Variants in GAN observed in about 807,000 individuals in gnomAD.
GAN encodes gigaxonin.
In GAN, 48 loss-of-function variants were observed where a neutral mutation model predicts 71.3. That is an observed-to-expected ratio of 0.67 (90% CI 0.53 to 0.86). The LOEUF is 0.86. GAN is among the 40% of genes least tolerant of loss of function. GAN has a pLI of 0.00. For synonymous variants in GAN, 386 were observed against 276.8 expected, an observed-to-expected ratio of 1.39 and a Z score of -3.92; for missense variants, 928 against 770.1, an observed-to-expected ratio of 1.21 and a Z score of -2.43.
At chr16:81,353,257 A>G (rs536048189) in intron 2 of GAN, among the ~76,000 whole-genome samples, 1 of 144,276 alleles carries the variant, frequency 6.9e-6, no homozygotes, top group Non-Finnish European at 1.5e-5. Flanking sequence ...GCGCCACTGC[A>G]CTCCAGCGTG....
chr16:81,342,482 C>G (rs1215999272), intron 1 of GAN, among the ~76,000 whole-genome samples: 1 of 152,238 alleles, frequency 6.6e-6, no homozygotes, highest in Non-Finnish European at 1.5e-5. Context: ...GACTCTCACT[C>G]AAAACCGCAC....
rs1208189480 is a variant in GAN, at chr16:81,385,049, C to T, written c.*7453C>T. On this transcript the variant is annotated 3_prime_UTR_variant, in exon 11 of 11. Transcript: ENST00000648994. Reference sequence around the variant, plus strand: ...GGCATATTTGGTATAACTTAAGCACCAGGTAAAATCTGGTGCTTAAGTTGT... The same window carrying T: ...GGCATATTTGGTATAACTTAAGCACTAGGTAAAATCTGGTGCTTAAGTTGT... 2.6e-5 allele frequency: 4 copies of T among 154,200 alleles called. No homozygotes were observed. Among genetic ancestry groups the T allele is most frequent in the African/African-American group, 4.8e-5 (2 of 41,482 alleles). The allele number at this position is 154,200 out of a possible 1,614,324, so 9.6% of individuals were successfully genotyped here.
At chr16:81,337,040 C>A (rs935844517) in intron 1 of GAN, among the ~76,000 whole-genome samples, 1 of 152,132 alleles carries the variant, frequency 6.6e-6, no homozygotes. Flanking sequence ...TCCACTATTA[C>A]AGTATCACCC....
intron 1 of GAN, among the ~76,000 whole-genome samples, chr16:81,339,093 T>C (rs1909858898): frequency 6.6e-6 from 1 of 152,188 alleles, no homozygotes; most frequent in Admixed American, 6.5e-5. Context: ...TAATTGGAAA[T>C]ACAAAAAACA....
chr16:81,339,223 G>A (rs1909863238), intron 1 of GAN, among the ~76,000 whole-genome samples: 1 of 152,168 alleles, frequency 6.6e-6, no homozygotes, highest in South Asian at 2.1e-4. Flanking sequence ...AGGCTGCATT[G>A]CCAACCTTCT....
intron 2 of GAN, among the ~76,000 whole-genome samples, chr16:81,352,083 A>G (rs1199294432): frequency 6.6e-6 from 1 of 152,194 alleles, no homozygotes; most frequent in Non-Finnish European, 1.5e-5. Flanking sequence ...TTGTCTCCAT[A>G]GCATGGAAAT....
chr16:81,380,491 A>C lies in GAN; in HGVS notation c.*2895A>C, dbSNP rs1904299501. The stretch of plus-strand genomic sequence containing the variant: ...TTTCAAAGATTTAAGTGTTTATTGA[A>C]AGTGTTTTTTGTTTTGTTTTTGATA... On this transcript the variant is annotated 3_prime_UTR_variant, in exon 11 of 11. Transcript: ENST00000648994. 6.6e-6 allele frequency: 1 copy of C among 152,190 alleles called. No individual in the cohort carries two copies. The highest frequency in any genetic ancestry group is 2.4e-5 in the African/African-American group (1 of 41,424). The allele number at this position is 152,190 out of a possible 1,614,324, so 9.4% of individuals were successfully genotyped here. A position where few individuals can be genotyped will look rare whatever the true frequency, so the allele number is the denominator to read the frequency against.
chr16:81,372,890 T>C (rs1159213953), intron 9 of GAN, among the ~76,000 whole-genome samples: 1 of 152,254 alleles, frequency 6.6e-6, no homozygotes, highest in Non-Finnish European at 1.5e-5. Flanking sequence ...GATTTTTCCC[T>C]TTTCCATTTT....
chr16:81,344,695 C>T (rs1316911324), intron 1 of GAN, among the ~76,000 whole-genome samples: 3 of 152,128 alleles, frequency 2.0e-5, no homozygotes, highest in Non-Finnish European at 4.4e-5. Flanking sequence ...AAGACAAAGG[C>T]ATGGGCAAAG....
At chr16:81,370,150 G>A (rs1416273319) in intron 9 of GAN, among the ~76,000 whole-genome samples, 2 of 152,136 alleles carry the variant, frequency 1.3e-5, no homozygotes, top group Admixed American at 6.5e-5. Context: ...ATATATAATG[G>A]GCTAATGTCG....
In GAN at chr16:81,386,343, C is replaced by T. The variant is rs527801082; in HGVS notation, c.*8747C>T. The T allele has an allele frequency of 3.3e-5, 5 of 152,246 alleles. No homozygotes were observed. Among genetic ancestry groups the T allele is most frequent in the African/African-American group, 1.2e-4 (5 of 41,538 alleles). The allele number at this position is 152,246 out of a possible 1,614,324, so 9.4% of individuals were successfully genotyped here. On this transcript the variant is annotated 3_prime_UTR_variant, in exon 11 of 11. Coordinates refer to ENST00000648994, the MANE Select transcript of GAN (RefSeq NM_022041.4). Reference sequence around the variant, plus strand: ...CTCTGTTTTAGACCAGTAGACCTAACTGTGCTTTCTTAACTTGGATGTTAC... The same window carrying T: ...CTCTGTTTTAGACCAGTAGACCTAATTGTGCTTTCTTAACTTGGATGTTAC...
chr16:81,342,943 G>C (rs1018749608), intron 1 of GAN, among the ~76,000 whole-genome samples: 3 of 152,074 alleles, frequency 2.0e-5, no homozygotes, highest in Non-Finnish European at 2.9e-5. Context: ...TGATAAAGGG[G>C]ATATCACCAC....
In GAN at chr16:81,363,915, A is replaced by G. The variant is rs780241559; in HGVS notation, c.1208A>G (p.Lys403Arg). ...GATATTTATTCTAAAACCTGGACAA[A>G]GCAACCTGATTTGACCATGGTCAGA... The part of the protein sequence containing the change: ...CYDIYSKTWT[K>R]QPDLTMVRKI... The change falls in exon 7 of 11, where the codon AAG becomes AGG. Residue 403 changes from lysine (K) to arginine (R), a missense_variant. Transcript: ENST00000648994. 2.3e-5 allele frequency: 37 copies of G among 1,613,594 alleles called. No individual in the cohort carries two copies. The East Asian group carries it at 8.2e-4, about 36-fold the overall frequency.
intron 1 of GAN, among the ~76,000 whole-genome samples, chr16:81,346,770 G>C (rs1031150454): frequency 5.3e-5 from 8 of 152,200 alleles, no homozygotes; most frequent in African/African-American, 1.9e-4. Flanking sequence ...TGTGGTTGCA[G>C]CTGTGCACTG....
rs777535272 is a variant in GAN at position 81,365,367 on chromosome 16, G to A, written c.1391G>A (p.Cys464Tyr). 36 of 1,613,754 alleles carry A rather than the reference G, an allele frequency of 2.2e-5. No homozygotes were observed. The highest frequency in any genetic ancestry group is 3.1e-5 in the Non-Finnish European group (36 of 1,179,980). ...LKERRFGAVA[C>Y]GVAMELYVFG... is the part of the protein sequence containing the mutation. ...CCTTTCAGGTTTGGAGCGGTGGCCT[G>A]TGGAGTTGCTATGGAGCTGTATGTG... The change falls in exon 9 of 11, where the codon TGT (cysteine) becomes TAT (tyrosine). Residue 464 changes from cysteine to tyrosine, a missense_variant. Coordinates refer to ENST00000648994, the MANE Select transcript of GAN (RefSeq NM_022041.4).
At position 81,381,253 on chromosome 16, in the gene GAN, C is replaced by G. The variant is rs77116848; in HGVS notation, c.*3657C>G. ...TTTGGTACATTCCTACCTCAGTGTA[C>G]CAAACCAGGGATTCCAAAAACCTTC... On this transcript the variant is annotated 3_prime_UTR_variant, in exon 11 of 11. Coordinates refer to ENST00000648994, the MANE Select transcript of GAN (RefSeq NM_022041.4). 4 of 152,234 alleles carry G rather than the reference C, an allele frequency of 2.6e-5. No individual in the cohort carries two copies. In the East Asian group the frequency reaches 7.7e-4, roughly 29 times the overall value. The allele number at this position is 152,234 out of a possible 1,614,324, so 9.4% of individuals were successfully genotyped here. A position where few individuals can be genotyped will look rare whatever the true frequency, so the allele number is the denominator to read the frequency against.
intron 9 of GAN, among the ~76,000 whole-genome samples, chr16:81,375,099 A>C (rs563608843): frequency 6.6e-6 from 1 of 152,292 alleles, no homozygotes; most frequent in African/African-American, 2.4e-5. Flanking sequence ...AAAAGAAGAA[A>C]AGGATATATT....
At chr16:81,335,348 G>A (rs1253051908) in intron 1 of GAN, among the ~76,000 whole-genome samples, 3 of 152,114 alleles carry the variant, frequency 2.0e-5, no homozygotes, top group Admixed American at 6.5e-5. Context: ...GGACACAGTG[G>A]CTCACACCTG....
intron 1 of GAN, among the ~76,000 whole-genome samples, chr16:81,337,092 C>G (rs1008177439): frequency 6.6e-6 from 1 of 152,138 alleles, no homozygotes; most frequent in African/African-American, 2.4e-5. Context: ...CCCTGAAGGT[C>G]TATTTTTGAT....
Sources: gnomAD v4.1 joint callset for allele counts (sites outside exome capture counted in the v4.1 genomes callset) on GRCh38, gnomAD v4.1.1 for gene constraint, MANE v1.5 for transcripts, NCBI Gene and HGNC (gene_info 2026-07-23, HGNC 2026-07-21) for gene names.